CALCA: variants seen among roughly 807,000 people sequenced by gnomAD.
CALCA encodes calcitonin related polypeptide alpha.
In CALCA, 4 loss-of-function variants were observed where a neutral mutation model predicts 6.9. That is an observed-to-expected ratio of 0.58 (90% confidence interval 0.29 to 1.33). CALCA has a LOEUF of 1.33. Among genes scored for constraint, CALCA ranks in the 40% most tolerant of loss-of-function variants. The pLI is 0.09. For synonymous variants in CALCA, 78 were observed against 70.0 expected, an observed-to-expected ratio of 1.11 and a Z score of -0.57; for missense variants, 174 against 178.3, an observed-to-expected ratio of 0.98 and a Z score of 0.14.
chr11:14,969,017 C>T lies in CALCA; in HGVS notation c.228-20G>A, dbSNP rs1849526278. The T allele has an allele frequency of 1.2e-5, 19 of 1,607,804 alleles. No homozygotes were observed. Among genetic ancestry groups the T allele is most frequent in the Non-Finnish European group, 1.6e-5 (19 of 1,175,426 alleles). On this transcript the variant is annotated intron_variant, in intron 3 of 3. Coordinates refer to ENST00000331587, the MANE Select transcript of CALCA (RefSeq NM_001741.3). Reference sequence around the variant, plus strand: ...TCCAGGCTGCAGGGAAAACACATACCAGACAGTACCATGCACCAGAATCTG... The same window carrying T: ...TCCAGGCTGCAGGGAAAACACATACTAGACAGTACCATGCACCAGAATCTG...
downstream of CALCA, among the ~76,000 whole-genome samples, chr11:14,967,462 G>C (rs1555025553): frequency 6.6e-6 from 1 of 152,150 alleles, no homozygotes; most frequent in African/African-American, 2.4e-5. Context: ...GTATTTCTTG[G>C]TCTGATGATC....
downstream of CALCA, chr11:14,967,074 A>G (rs1555025491): frequency 6.5e-6 from 1 of 153,852 alleles, no homozygotes; most frequent in Non-Finnish European, 1.4e-5. Context: ...TTCATTACAC[A>G]TTAAAAGGAG....
chr11:14,969,769 C>A (rs1271520495), intron 3 of CALCA, among the ~76,000 whole-genome samples, 166 bp downstream of exon 3: 1 of 152,196 alleles, frequency 6.6e-6, no homozygotes, highest in East Asian at 1.9e-4. Context: ...TGCAGTGGGA[C>A]CTCTGTCTCC....
At chr11:14,971,021 G>A in intron 2 of CALCA, 86 bp downstream of exon 2, 1 of 1,091,398 alleles carries the variant, frequency 9.2e-7, no homozygotes. Context: ...CCGGCCCCCT[G>A]TCGGTTTTTA....
At chr11:14,969,861 A>G (rs1565208934) in intron 3 of CALCA, 74 bp downstream of exon 3, 1 of 1,606,750 alleles carries the variant, frequency 6.2e-7, no homozygotes, top group South Asian at 1.1e-5. Flanking sequence ...GTTCTCTCCT[A>G]CCTCTCGGGA....
Position 14,971,198 on chromosome 11 carries a change from C to T in CALCA, c.-6G>A, listed in dbSNP as rs564910296. ...GAGAACTTTTGGAAGCCCATGACAC[C>T]TCTCTGCAAGGGAAGAATGAGATAA... is the stretch of plus-strand genomic sequence containing the variant. On this transcript the variant is annotated 5_prime_UTR_variant, in exon 2 of 4. Transcript: ENST00000331587. 9.3e-6 allele frequency: 15 copies of T among 1,612,334 alleles called. No individual in the cohort carries two copies. The highest frequency in any genetic ancestry group is 5.3e-5 in the African/African-American group (4 of 75,008).
chr11:14,969,865 C>G (rs1849551467), intron 3 of CALCA, 70 bp downstream of exon 3: 8 of 1,609,872 alleles, frequency 5.0e-6, no homozygotes, highest in Non-Finnish European at 4.2e-6. Flanking sequence ...TCTCCTACCT[C>G]TCGGGATCCA....
intron 3 of CALCA, 53 bp downstream of exon 3, chr11:14,969,882 T>G (rs1026657196): frequency 6.2e-7 from 1 of 1,611,672 alleles, no homozygotes; most frequent in African/African-American, 1.3e-5. Context: ...TCCACCTTCC[T>G]GTGTATGCTG....
chr11:14,969,051 G>T, intron 3 of CALCA, 54 bp from the exon 4 acceptor site: 1 of 1,553,348 alleles, frequency 6.4e-7, no homozygotes. Context: ...TGTCCCCATG[G>T]GCAGTCACTT....
At chr11:14,969,679 A>T (rs1445355904) in intron 3 of CALCA, among the ~76,000 whole-genome samples, 3 of 152,118 alleles carry the variant, frequency 2.0e-5, no homozygotes, top group African/African-American at 2.4e-5. Flanking sequence ...ACAGTGAGCG[A>T]TTCCACACCT....
chr11:14,967,960 CAAT>C, downstream of CALCA: 2 of 1,305,294 alleles, frequency 1.5e-6, no homozygotes, highest in Non-Finnish European at 2.2e-6. Flanking sequence ...TGAAAGGCAC[CAAT>C]TAACTTTAAG....
At position 14,971,097 on chromosome 11, in the gene CALCA, G is replaced by C; in HGVS notation, c.86+10C>G. The C allele has an allele frequency of 6.2e-7, 1 of 1,611,988 alleles. No individual in the cohort carries two copies. Among genetic ancestry groups the C allele is most frequent in the Non-Finnish European group, 8.5e-7 (1 of 1,178,088 alleles). Reference sequence around the variant, plus strand: ...GATACCAGTGTGGTTCTGGCTTCAGGCTGTCTTACCTGAATGGTGCTGCAT... The same window carrying C: ...GATACCAGTGTGGTTCTGGCTTCAGCCTGTCTTACCTGAATGGTGCTGCAT... On this transcript the variant is annotated intron_variant, in intron 2 of 3. Coordinates refer to ENST00000331587, the MANE Select transcript of CALCA (RefSeq NM_001741.3).
At chr11:14,967,919 C>T (rs1242938712), downstream of CALCA, 13 of 1,576,204 alleles carry the variant, frequency 8.2e-6, no homozygotes, top group Non-Finnish European at 1.1e-5. Flanking sequence ...GAGGTCAGCC[C>T]CATGGGACCT....
At chr11:14,972,064 G>A (rs1478526825) in intron 1 of CALCA, among the ~76,000 whole-genome samples, 181 bp downstream of exon 1, 8 of 152,208 alleles carry the variant, frequency 5.3e-5, no homozygotes, top group African/African-American at 1.9e-4. Context: ...AGCGAGCCGG[G>A]GGATTGAGAC....
At chr11:14,967,774 C>A, downstream of CALCA, 1 of 1,614,072 alleles carries the variant, frequency 6.2e-7, no homozygotes, top group Non-Finnish European at 8.5e-7. Flanking sequence ...CTTCACCACA[C>A]CCCCTGATCT....
chr11:14,971,173 G>C lies in CALCA; in HGVS notation c.20C>G (p.Ser7Cys), dbSNP rs781962903. MGFQKF[S>C]PFLALSILVL... ...CAAGATGCTGAGAGCCAGGAAGGGG[G>C]AGAACTTTTGGAAGCCCATGACACC... The change falls in exon 2 of 4, where the codon TCC (serine) becomes TGC (cysteine). Residue 7 changes from serine to cysteine, a missense_variant. Coordinates refer to ENST00000331587, the MANE Select transcript of CALCA (RefSeq NM_001741.3). 2.4e-5 allele frequency: 38 copies of C among 1,613,972 alleles called. No homozygotes were observed. Among genetic ancestry groups the C allele is most frequent in the Admixed American group, 1.5e-4 (9 of 60,008 alleles).
downstream of CALCA, chr11:14,967,967 C>T (rs1849496356): frequency 8.8e-6 from 11 of 1,243,496 alleles, no homozygotes; most frequent in South Asian, 1.2e-4. Flanking sequence ...CACCAATTAA[C>T]TTTAAGTGTT....
intron 1 of CALCA, 121 bp downstream of exon 1, chr11:14,972,122 CAG>C (rs1411557830): frequency 5.2e-4 from 80 of 152,430 alleles, no homozygotes; most frequent in African/African-American, 1.9e-3. Context: ...CGCGGACTAA[CAG>C]AGACTATCTG....
rs369824213 is a variant in CALCA at position 14,971,209 on chromosome 11, G to A, written c.-9-8C>T. On this transcript the variant is annotated splice_polypyrimidine_tract_variant and splice_region_variant and intron_variant, in intron 1 of 3. Transcript: ENST00000331587. ...GAAGCCCATGACACCTCTCTGCAAG[G>A]GAAGAATGAGATAAACCACCTGCGC... 5.6e-6 allele frequency: 9 copies of A among 1,601,852 alleles called. No homozygotes were observed. The African/African-American group carries it at 1.1e-4, about 19-fold the overall frequency.
Sources: allele counts gnomAD v4.1 joint callset (sites outside exome capture counted in the v4.1 genomes callset), GRCh38; gene constraint gnomAD v4.1.1; transcripts MANE v1.5; gene names NCBI Gene and HGNC (gene_info 2026-07-23, HGNC 2026-07-21).